OPA3: variants seen among roughly 807,000 people sequenced by gnomAD.
The protein encoded by OPA3 is outer mitochondrial membrane lipid metabolism regulator OPA3, also known as optic atrophy 3 protein.
A neutral mutation model predicts 4.0 loss-of-function variants in OPA3; 6 were observed. The ratio of observed to expected loss-of-function variants is 1.51; its 90% confidence interval spans 0.83 to 2.99. The LOEUF (loss-of-function observed/expected upper bound fraction) is 2.99, where lower values mean the gene tolerates loss of function less well. Among genes scored for constraint, OPA3 ranks in the 30% most tolerant of loss-of-function variants. The probability of loss-of-function intolerance (pLI) is 0.00; values close to 1 mark genes in which losing one functional copy is unlikely to be tolerated. For synonymous variants in OPA3, 105 were observed against 117.1 expected, an observed-to-expected ratio of 0.90 and a Z score of 0.67; for missense variants, 235 against 256.2, an observed-to-expected ratio of 0.92 and a Z score of 0.56.
chr19:45,554,018 T>G, intron 1 of OPA3, 107 bp from the exon 2 acceptor site: 1 of 844,686 alleles, frequency 1.2e-6, no homozygotes. Context: ...CAGGGGTCTT[T>G]TAAAAGACCA....
At chr19:45,545,073 G>A (rs1396752338), downstream of OPA3, among the ~76,000 whole-genome samples, 2 of 148,022 alleles carry the variant, frequency 1.4e-5, no homozygotes, top group Non-Finnish European at 3.0e-5. Flanking sequence ...GCTGAGGCAG[G>A]AGAATCACTT....
intron 1 of OPA3, among the ~76,000 whole-genome samples, chr19:45,577,738 C>T (rs1052010479): frequency 2.0e-5 from 3 of 152,294 alleles, no homozygotes; most frequent in African/African-American, 7.2e-5. Context: ...CAGGAGTCCC[C>T]TGAAGGGATG....
chr19:45,581,007 G>T (rs1969847192), intron 1 of OPA3, among the ~76,000 whole-genome samples: 1 of 152,206 alleles, frequency 6.6e-6, no homozygotes, highest in South Asian at 2.1e-4. Flanking sequence ...TAGGAATTCA[G>T]TGTCCAAAGT....
At chr19:45,572,702 A>G (rs1473480875) in intron 1 of OPA3, among the ~76,000 whole-genome samples, 1 of 140,292 alleles carries the variant, frequency 7.1e-6, no homozygotes, top group Non-Finnish European at 1.5e-5. Context: ...TACTATATAT[A>G]TGATATATCT....
At chr19:45,532,761 T>C (rs190921454) in intron 1 of OPA3, among the ~76,000 whole-genome samples, 2 of 152,294 alleles carry the variant, frequency 1.3e-5, no homozygotes, top group Admixed American at 6.5e-5. Flanking sequence ...TATTTTTTAA[T>C]AGAGATGGGG....
In OPA3 at chr19:45,584,722, C is replaced by G. The variant is rs771522612; in HGVS notation, c.43G>C (p.Gly15Arg). 2 of 1,614,170 alleles carry G rather than the reference C, an allele frequency of 1.2e-6. No homozygotes were observed. The highest frequency in any genetic ancestry group is 1.7e-6 in the Non-Finnish European group (2 of 1,180,044). Reference protein sequence around the residue: ...AFPMAKLLYLGIRQVSKPLAN... With the variant: ...AFPMAKLLYLRIRQVSKPLAN... ...AGCGGCTTGCTGACCTGCCGGATGC[C>G]CAAGTATAGCAGCTTCGCCATAGGG... Residue 15 changes from glycine to arginine, a missense_variant, in exon 1 of 2, where the codon GGC becomes CGC. Transcript: ENST00000263275.
intron 1 of OPA3, among the ~76,000 whole-genome samples, chr19:45,535,883 G>A (rs1488363174): frequency 6.7e-6 from 1 of 150,218 alleles, no homozygotes; most frequent in Non-Finnish European, 1.5e-5. Context: ...TCTCACCTCA[G>A]CCTCCTGAGT....
At chr19:45,560,312 G>A (rs1969484816) in intron 1 of OPA3, among the ~76,000 whole-genome samples, 1 of 152,090 alleles carries the variant, frequency 6.6e-6, no homozygotes, top group Non-Finnish European at 1.5e-5. Context: ...CTCACTGCAT[G>A]GTGACAAGTC....
chr19:45,557,001 G>A (rs911178165), intron 1 of OPA3, among the ~76,000 whole-genome samples: 2 of 152,206 alleles, frequency 1.3e-5, no homozygotes, highest in Non-Finnish European at 2.9e-5. Context: ...ACACTCGCCA[G>A]ACCTGGTGGT....
At chr19:45,575,592 G>A (rs532314007) in intron 1 of OPA3, among the ~76,000 whole-genome samples, 1 of 151,860 alleles carries the variant, frequency 6.6e-6, no homozygotes, top group Non-Finnish European at 1.5e-5. Context: ...CAAATGCAGT[G>A]GCTTAAAACA....
chr19:45,553,678 C>T lies in OPA3; in HGVS notation c.376G>A (p.Val126Met). The change falls in exon 2 of 2, where the codon GTG becomes ATG. Residue 126 changes from valine to methionine, a missense_variant. Val to Met is a conservative substitution (Grantham distance 21). Transcript: ENST00000263275. ...RAAWNALRDEVGHLALALEAL... is the reference protein window; with the variant it reads ...RAAWNALRDEMGHLALALEAL... Reference sequence around the variant, plus strand: ...TCCAGCGCCAGCGCCAGGTGGCCCACCTCGTCCCGCAGCGCGTTCCAGGCA... The same window carrying T: ...TCCAGCGCCAGCGCCAGGTGGCCCATCTCGTCCCGCAGCGCGTTCCAGGCA... 6.2e-7 allele frequency: 1 copy of T among 1,605,360 alleles called. No homozygotes were observed. Among genetic ancestry groups the T allele is most frequent in the Non-Finnish European group, 8.5e-7 (1 of 1,178,572 alleles).
At chr19:45,542,164 T>C (rs1969192678), downstream of OPA3, among the ~76,000 whole-genome samples, 1 of 152,174 alleles carries the variant, frequency 6.6e-6, no homozygotes, top group Non-Finnish European at 1.5e-5. Flanking sequence ...CTGGTCCATA[T>C]GAGCCATGCT....
chr19:45,532,107 G>C (rs1038982605), intron 1 of OPA3, among the ~76,000 whole-genome samples: 2 of 152,180 alleles, frequency 1.3e-5, no homozygotes, highest in Non-Finnish European at 2.9e-5. Flanking sequence ...TAGAATCTAA[G>C]GGGAGCCACA....
chr19:45,556,183 G>T (rs919794014), intron 1 of OPA3, among the ~76,000 whole-genome samples: 1 of 152,094 alleles, frequency 6.6e-6, no homozygotes, highest in East Asian at 1.9e-4. Context: ...TCGTTCTGTT[G>T]CCCAGGCTGG....
chr19:45,563,806 G>A (rs1969540891), intron 1 of OPA3, among the ~76,000 whole-genome samples: 2 of 150,838 alleles, frequency 1.3e-5, no homozygotes, highest in African/African-American at 2.4e-5. Context: ...CACCTGCCTC[G>A]GCCTCCCAAA....
rs1969339835 is a variant in OPA3 at position 45,551,999 on chromosome 19, G to A, written c.*1515C>T. The A allele has an allele frequency of 4.1e-6, 4 of 985,614 alleles. No homozygotes were observed. The highest frequency in any genetic ancestry group is 4.8e-6 in the Non-Finnish European group (4 of 830,078). 61.1% of individuals were successfully genotyped at this position (985,614 alleles called of 1,614,324 possible). ...TCTGAGGACAGGAAAATAGGGGGCT[G>A]AGGCTGAAGGACAGGCTGGATTAGC... On this transcript the variant is annotated 3_prime_UTR_variant, in exon 2 of 2. Transcript: ENST00000263275.
chr19:45,572,014 C>T (rs1287572162), intron 1 of OPA3, among the ~76,000 whole-genome samples: 1 of 150,846 alleles, frequency 6.6e-6, no homozygotes, highest in Non-Finnish European at 1.5e-5. Flanking sequence ...ATATCCACAT[C>T]TGATAATTCC....
At chr19:45,562,382 GA>G in intron 1 of OPA3, among the ~76,000 whole-genome samples, 1 of 143,044 alleles carries the variant, frequency 7.0e-6, no homozygotes, top group Middle Eastern at 3.8e-3. Flanking sequence ...AAAGGAAAAA[GA>G]AATTCCCTTA....
chr19:45,560,607 C>G (rs1413957534), intron 1 of OPA3, among the ~76,000 whole-genome samples: 1 of 152,114 alleles, frequency 6.6e-6, no homozygotes, highest in Non-Finnish European at 1.5e-5. Context: ...TCCAGGCCCC[C>G]TCTACACATC....
Sources: allele counts gnomAD v4.1 joint callset (sites outside exome capture counted in the v4.1 genomes callset), GRCh38; gene constraint gnomAD v4.1.1; transcripts MANE v1.5; gene names NCBI Gene and HGNC (gene_info 2026-07-23, HGNC 2026-07-21).